The following NPHP4 variants were observed in gnomAD, a reference collection of about 807,000 sequenced individuals.
NPHP4 encodes nephrocystin 4, also known as nephrocystin-4.
NPHP4 carries 151 observed loss-of-function variants against 155.8 expected under a neutral mutation model. The ratio of observed to expected loss-of-function variants is 0.97; its 90% CI spans 0.85 to 1.11. NPHP4 has a LOEUF of 1.11. Among genes scored for constraint, NPHP4 ranks in the 50% least tolerant of loss-of-function variants. The probability of loss-of-function intolerance (pLI) is 0.00; values close to 1 mark genes in which losing one functional copy is unlikely to be tolerated. For synonymous variants in NPHP4, 845 were observed against 816.8 expected, an observed-to-expected ratio of 1.03 and a Z score of -0.59; for missense variants, 1,956 against 1,925.7, an observed-to-expected ratio of 1.02 and a Z score of -0.29.
intron 3 of NPHP4, among the ~76,000 whole-genome samples, chr1:5,978,028 G>C (rs191565141): frequency 6.6e-6 from 1 of 151,112 alleles, no homozygotes; most frequent in African/African-American, 2.4e-5. Flanking sequence ...CCATTCCCCT[G>C]ACCCTTCAAC....
At chr1:5,899,727 A>G (rs1644577681) in intron 16 of NPHP4, among the ~76,000 whole-genome samples, 1 of 152,242 alleles carries the variant, frequency 6.6e-6, no homozygotes, top group Non-Finnish European at 1.5e-5. Flanking sequence ...CAACCCATGC[A>G]CAATCCATGA....
Position 5,952,737 on chromosome 1 carries a change from T to G in NPHP4, c.773A>C (p.Glu258Ala), listed in dbSNP as rs1335343355. 1 of 1,562,028 alleles carries G rather than the reference T, an allele frequency of 6.4e-7. No homozygotes were observed. The highest frequency in any genetic ancestry group is 1.7e-4 in the Middle Eastern group (1 of 5,846). ...LYPSLEKFEE[E>A]LLELHVQDHF... is the part of the protein sequence containing the mutation. ...GTCCTGGACGTGGAGCTCCAGCAGC[T>G]CTTCCTCAAACTTCTCCAGGGAGGG... Residue 258 changes from glutamate to alanine, a missense_variant, in exon 7 of 30, where the codon GAG becomes GCG. Transcript: ENST00000378156.
chr1:5,869,341 C>T (rs1005800528), intron 23 of NPHP4, among the ~76,000 whole-genome samples: 7 of 151,224 alleles, frequency 4.6e-5, no homozygotes, highest in Admixed American at 3.3e-4. Context: ...ACCACCCACA[C>T]ATGCACGCAC....
intron 11 of NPHP4, among the ~76,000 whole-genome samples, chr1:5,915,921 G>C (rs995270096): frequency 6.6e-6 from 1 of 152,188 alleles, no homozygotes; most frequent in African/African-American, 2.4e-5. Flanking sequence ...CCCAGGACAA[G>C]GGAGCTGCTG....
At chr1:5,949,434 T>C (rs1647503122) in intron 7 of NPHP4, among the ~76,000 whole-genome samples, 1 of 150,998 alleles carries the variant, frequency 6.6e-6, no homozygotes, top group African/African-American at 2.4e-5. Flanking sequence ...AACTAAATAG[T>C]ACAGCCCTCC....
At chr1:5,884,113 C>T (rs1020104921) in intron 18 of NPHP4, among the ~76,000 whole-genome samples, 1 of 152,220 alleles carries the variant, frequency 6.6e-6, no homozygotes, top group Non-Finnish European at 1.5e-5. Context: ...CATCAGGGCA[C>T]AACTTGGATG....
chr1:5,914,829 C>G (rs1645379845), intron 11 of NPHP4, among the ~76,000 whole-genome samples: 1 of 152,162 alleles, frequency 6.6e-6, no homozygotes, highest in African/African-American at 2.4e-5. Flanking sequence ...CCAACGTGTC[C>G]TTTCTGGAAA....
In NPHP4 at chr1:5,867,796, G is replaced by A. The variant is rs759737019; in HGVS notation, c.3416C>T (p.Pro1139Leu). The change falls in exon 24 of 30, where the codon CCG becomes CTG. Residue 1139 changes from proline (P) to leucine (L), a missense_variant. Transcript: ENST00000378156. The surrounding 1 kb of genome is among the most constrained non-coding windows in gnomAD (Gnocchi z 4.1). ...VVDQVFRFYHPELSFLKKAIR... is the reference protein window; with the variant it reads ...VVDQVFRFYHLELSFLKKAIR... ...GGCCTTCTTCAGGAAGGAGAGCTCCGGGTGATAGAAGCGGAAGACCTGGTC... is the reference window on the plus strand; with the variant it reads ...GGCCTTCTTCAGGAAGGAGAGCTCCAGGTGATAGAAGCGGAAGACCTGGTC... 2.5e-5 allele frequency: 41 copies of A among 1,612,716 alleles called. No individual in the cohort carries two copies. The highest frequency in any genetic ancestry group is 5.3e-5 in the African/African-American group (4 of 74,910).
intron 6 of NPHP4, 100 bp downstream of exon 6, chr1:5,961,693 CG>C: frequency 1.7e-6 from 2 of 1,153,316 alleles, no homozygotes; most frequent in Non-Finnish European, 1.3e-6. Flanking sequence ...GAGGGGCGCT[CG>C]GCCCACGCTG....
chr1:5,945,687 C>T (rs754447094), intron 9 of NPHP4, among the ~76,000 whole-genome samples: 3 of 152,210 alleles, frequency 2.0e-5, no homozygotes, highest in Non-Finnish European at 2.9e-5. Flanking sequence ...GGCCCAGTCG[C>T]GATGGCAGGC....
chr1:5,963,522 G>A (rs897105072), intron 5 of NPHP4, among the ~76,000 whole-genome samples: 1 of 152,116 alleles, frequency 6.6e-6, no homozygotes. Context: ...CTAGTCAGGA[G>A]TCACAACCTC....
Position 5,887,486 on chromosome 1 carries a change from G to A in NPHP4, c.2305-20C>T, listed in dbSNP as rs373131898. 806 of 1,611,106 alleles carry A rather than the reference G, an allele frequency of 5.0e-4. No homozygotes were observed. Among genetic ancestry groups the A allele is most frequent in the Non-Finnish European group, 6.5e-4 (770 of 1,179,442 alleles). ...GAGATGCTGCAGAAGAGAAAAGCGC[G>A]TTCAGAGGCTGGAGCCGGCCCTGGG... On this transcript the variant is annotated intron_variant, in intron 17 of 29. Coordinates refer to ENST00000378156, the MANE Select transcript of NPHP4 (RefSeq NM_015102.5).
intron 5 of NPHP4, among the ~76,000 whole-genome samples, chr1:5,964,942 T>TATATA (rs1553194795): frequency 6.7e-5 from 3 of 44,534 alleles, no homozygotes; most frequent in South Asian, 6.3e-4. Flanking sequence ...TATATATATA[T>TATATA]TTTTTTTTTT....
intron 17 of NPHP4, among the ~76,000 whole-genome samples, chr1:5,887,819 C>CAGCCAAGCAACGCAAAGGACTCTT: frequency 6.6e-6 from 1 of 152,194 alleles, no homozygotes; most frequent in African/African-American, 2.4e-5. Context: ...GGAAAGAGGG[C>CAGCCAAGCAACGCAAAGGACTCTT]AGCCAAGCAA....
At chr1:5,873,021 C>T (rs747470287) in intron 23 of NPHP4, among the ~76,000 whole-genome samples, 2 of 152,198 alleles carry the variant, frequency 1.3e-5, no homozygotes, top group Non-Finnish European at 2.9e-5. Context: ...TGTGAGAAGG[C>T]GGCCACCAAG....
intron 9 of NPHP4, among the ~76,000 whole-genome samples, chr1:5,934,133 G>A (rs1164194294): frequency 1.3e-5 from 2 of 152,190 alleles, no homozygotes; most frequent in East Asian, 1.9e-4. Context: ...AAGTCCAGCA[G>A]AGCCACCTTG....
chr1:5,938,696 T>G (rs1277095887), intron 9 of NPHP4, among the ~76,000 whole-genome samples: 1 of 152,262 alleles, frequency 6.6e-6, no homozygotes, highest in Non-Finnish European at 1.5e-5. Flanking sequence ...CTGCCAGCAC[T>G]CATTTAATTT....
At position 5,875,036 on chromosome 1, in the gene NPHP4, C is replaced by A; in HGVS notation, c.2882G>T (p.Arg961Leu). The change falls in exon 21 of 30, where the codon CGC (arginine) becomes CTC (leucine). Residue 961 changes from arginine (R) to leucine (L), a missense_variant. By Grantham distance (102) the Arg-to-Leu change is moderately radical. Transcript: ENST00000378156. Reference sequence around the variant, plus strand: ...GCTGGCGATGCTCTCGGCCTTCGTGCGTTCCCGGTAGGCGGCGATGACCTG... The same window carrying A: ...GCTGGCGATGCTCTCGGCCTTCGTGAGTTCCCGGTAGGCGGCGATGACCTG... ...DLQVIAAYRE[R>L]TKAESIASLL... is the part of the protein sequence containing the mutation. 4 of 1,609,660 alleles carry A rather than the reference C, an allele frequency of 2.5e-6. No individual in the cohort carries two copies. The highest frequency in any genetic ancestry group is 2.5e-6 in the Non-Finnish European group (3 of 1,179,838).
rs371531886 is a variant in NPHP4 at position 5,875,571 on chromosome 1, A to C, written c.2818-471T>G. ...TCTCGGTCACACCGGGTCAGAGTCC[A>C]GGCAAGCAGCACGCTGCCTCAGCAA... On this transcript the variant is annotated intron_variant, in intron 20 of 29. Transcript: ENST00000378156. Among the ~76,000 whole-genome samples, 237 of 152,348 alleles carry C rather than the reference A, an allele frequency of 1.6e-3. No individual in the cohort carries two copies. The Middle Eastern group carries it at 0.02, about 13-fold the overall frequency.
Sources: allele counts gnomAD v4.1 joint callset (sites outside exome capture counted in the v4.1 genomes callset), GRCh38; gene constraint gnomAD v4.1.1; non-coding constraint Gnocchi (gnomAD v3.1); transcripts MANE v1.5; gene names NCBI Gene and HGNC (gene_info 2026-07-23, HGNC 2026-07-21).